The following SNX14 variants were observed in gnomAD, a reference collection of about 807,000 sequenced individuals.
SNX14 encodes the protein sorting nexin 14.
A neutral mutation model predicts 133.8 loss-of-function variants in SNX14; 93 were observed. That is an observed-to-expected ratio of 0.70 (90% CI 0.59 to 0.83). SNX14 has a LOEUF of 0.83. SNX14 is among the 40% of genes least tolerant of loss of function. The pLI, the probability that SNX14 is intolerant of heterozygous loss-of-function variation, is 0.00. For missense variants in SNX14, 945 were observed against 1,094.9 expected, an observed-to-expected ratio of 0.86 and a Z score of 1.93; for synonymous variants, 368 against 365.6, an observed-to-expected ratio of 1.01 and a Z score of -0.07.
intron 16 of SNX14, among the ~76,000 whole-genome samples, chr6:85,538,545 C>T (rs919460011): frequency 5.3e-5 from 8 of 151,852 alleles, no homozygotes; most frequent in African/African-American, 1.9e-4. Flanking sequence ...TCAACAAGAA[C>T]AAAAATGAGT....
chr6:85,553,752 C>G (rs1039846135), intron 7 of SNX14, among the ~76,000 whole-genome samples: 5 of 150,424 alleles, frequency 3.3e-5, no homozygotes, highest in African/African-American at 1.2e-4. Flanking sequence ...CGCCACTGCA[C>G]TCCAGCCTCG....
At chr6:85,588,609 ATAATTT>A (rs897206409) in intron 1 of SNX14, among the ~76,000 whole-genome samples, 3 of 151,616 alleles carry the variant, frequency 2.0e-5, no homozygotes, top group Non-Finnish European at 4.4e-5. Flanking sequence ...ATGGGCTAAT[ATAATTT>A]TAATTCCTAA....
At position 85,533,764 on chromosome 6, in the gene SNX14, G is replaced by T; in HGVS notation, c.1645C>A (p.Pro549Thr). The stretch of plus-strand genomic sequence containing the variant: ...TTAGGTGTGCTCACAGCCTCCACTG[G>T]AGAATCATCTTCCATTACAACAATA... ...EGIVVMEDDS[P>T]VEAVSTPNTP... The change falls in exon 18 of 29, where the codon CCA (proline) becomes ACA (threonine). Residue 549 changes from proline to threonine, a missense_variant. Pro to Thr is a conservative substitution (Grantham distance 38, BLOSUM62 -1). Coordinates refer to ENST00000314673, the MANE Select transcript of SNX14 (RefSeq NM_153816.6). 1 of 1,613,528 alleles carries T rather than the reference G, an allele frequency of 6.2e-7. No individual in the cohort carries two copies. The highest frequency in any genetic ancestry group is 8.5e-7 in the Non-Finnish European group (1 of 1,179,942).
At chr6:85,509,335 G>A (rs1445038872) in intron 26 of SNX14, among the ~76,000 whole-genome samples, 2 of 147,116 alleles carry the variant, frequency 1.4e-5, no homozygotes, top group South Asian at 4.3e-4. Context: ...CAGAAAACAG[G>A]TAAAAAAAAA....
At chr6:85,512,364 G>A (rs768354977) in intron 26 of SNX14, among the ~76,000 whole-genome samples, 2 of 152,146 alleles carry the variant, frequency 1.3e-5, no homozygotes, top group East Asian at 1.9e-4. Flanking sequence ...GCTCACGCCT[G>A]TAACCCCAGC....
At chr6:85,565,221 T>C in intron 6 of SNX14, 111 bp downstream of exon 6, 2 of 610,730 alleles carry the variant, frequency 3.3e-6, no homozygotes, top group Non-Finnish European at 5.8e-6. Flanking sequence ...AAGTATCTCA[T>C]GTACCCCACA....
chr6:85,526,271 T>C, intron 20 of SNX14, 34 bp from the exon 21 acceptor site: 1 of 1,345,224 alleles, frequency 7.4e-7, no homozygotes. Flanking sequence ...AAACACAGTT[T>C]AGAAATCTAG....
Position 85,517,711 on chromosome 6 carries a change from A to T in SNX14, c.2268+45T>A, listed in dbSNP as rs776819691. ...CGACAATGAAAAAGTAATCTCAAGT[A>T]GGGCAACTTAAAACTTAATAGTTCT... On this transcript the variant is annotated intron_variant, in intron 23 of 28. Transcript: ENST00000314673. The T allele has an allele frequency of 1.9e-6, 3 of 1,538,796 alleles. No individual in the cohort carries two copies. In the Admixed American group the frequency reaches 7.0e-5, roughly 36 times the overall value.
At chr6:85,528,965 T>C (rs1779336533) in intron 19 of SNX14, among the ~76,000 whole-genome samples, 1 of 151,166 alleles carries the variant, frequency 6.6e-6, no homozygotes, top group Admixed American at 6.6e-5. Context: ...GGCAGGAGAA[T>C]CGCTGGAACC....
At chr6:85,559,399 G>GT (rs1185265741) in intron 6 of SNX14, among the ~76,000 whole-genome samples, 2 of 152,058 alleles carry the variant, frequency 1.3e-5, no homozygotes, top group African/African-American at 4.8e-5. Context: ...ATTTTTATTT[G>GT]TAAGTTCCAC....
At chr6:85,531,687 T>C (rs1440363490) in intron 18 of SNX14, among the ~76,000 whole-genome samples, 2 of 152,176 alleles carry the variant, frequency 1.3e-5, no homozygotes, top group African/African-American at 2.4e-5. Flanking sequence ...CACATTACAT[T>C]GACAGTAGAA....
At chr6:85,558,157 T>G (rs116640389) in intron 6 of SNX14, 97 bp from the exon 7 acceptor site, 1 of 658,946 alleles carries the variant, frequency 1.5e-6, no homozygotes, top group Non-Finnish European at 2.6e-6. Context: ...TCTTAAAAAT[T>G]AGAAGTATTC....
At chr6:85,535,407 T>C (rs1279559388) in intron 17 of SNX14, among the ~76,000 whole-genome samples, 7 of 149,070 alleles carry the variant, frequency 4.7e-5, no homozygotes, top group Non-Finnish European at 1.5e-5. Context: ...AGGTCAGGAG[T>C]TCAAGACCAG....
intron 4 of SNX14, chr6:85,568,124 CTT>C (rs1794475534): frequency 6.6e-6 from 1 of 152,054 alleles, no homozygotes; most frequent in South Asian, 2.1e-4. Context: ...AATAGAAAAA[CTT>C]ATTATTAGAA....
chr6:85,535,279 T>C (rs1011706815), intron 17 of SNX14, among the ~76,000 whole-genome samples: 5 of 151,686 alleles, frequency 3.3e-5, no homozygotes, highest in Non-Finnish European at 5.9e-5. Flanking sequence ...TTTCCCAAAG[T>C]ACTGAGATTA....
At chr6:85,592,748 G>A (rs1298486795) in intron 1 of SNX14, among the ~76,000 whole-genome samples, 1 of 151,816 alleles carries the variant, frequency 6.6e-6, no homozygotes, top group East Asian at 1.9e-4. Flanking sequence ...CCAGCACTTC[G>A]GGAGGCCGAG....
intron 1 of SNX14, among the ~76,000 whole-genome samples, chr6:85,577,655 A>T (rs1427994225): frequency 2.6e-5 from 4 of 152,178 alleles, no homozygotes; most frequent in Non-Finnish European, 2.9e-5. Flanking sequence ...GAATCTACAG[A>T]GTTAAAAAAG....
chr6:85,531,614 G>A (rs781775262), intron 18 of SNX14, among the ~76,000 whole-genome samples: 10 of 152,066 alleles, frequency 6.6e-5, no homozygotes, highest in South Asian at 2.1e-4. Context: ...TTTGTTATCC[G>A]TATAAAATCA....
chr6:85,557,819 TTAAC>T (rs2128135361), intron 7 of SNX14, among the ~76,000 whole-genome samples, 153 bp downstream of exon 7: 1 of 152,322 alleles, frequency 6.6e-6, no homozygotes, highest in Admixed American at 6.5e-5. Context: ...TTTTCACACA[TTAAC>T]AAACTACTGA....
Sources: gnomAD v4.1 joint callset for allele counts (sites outside exome capture counted in the v4.1 genomes callset) on GRCh38, gnomAD v4.1.1 for gene constraint, MANE v1.5 for transcripts, NCBI Gene and HGNC (gene_info 2026-07-23, HGNC 2026-07-21) for gene names.